Variants in SBDS observed in about 807,000 individuals in gnomAD.
SBDS encodes the protein ribosome maturation protein SBDS.
Under a neutral mutation model 26.4 loss-of-function variants are expected in SBDS, and 20 were observed. The ratio of observed to expected loss-of-function variants is 0.76; its 90% CI spans 0.53 to 1.10. The LOEUF is 1.10. Among genes scored for constraint, SBDS ranks in the 50% least tolerant of loss-of-function variants. SBDS has a pLI of 0.00. For synonymous variants in SBDS, 95 were observed against 105.1 expected, an observed-to-expected ratio of 0.90 and a Z score of 0.59; for missense variants, 241 against 302.0, an observed-to-expected ratio of 0.80 and a Z score of 1.50.
chr7:66,991,342 T>A (rs1792970576), intron 3 of SBDS, 41 bp from the exon 4 acceptor site: 2 of 1,505,092 alleles, frequency 1.3e-6, no homozygotes, highest in East Asian at 4.5e-5. Context: ...TTCTACTATA[T>A]TATTTCATAA....
chr7:66,988,334 C>T lies in SBDS; in HGVS notation c.*37G>A. ...GAAACAGTGCCGTCGGAAACGGAAA[C>T]ACTTTAGTGTTTTAGAGGTGAAGAG... On this transcript the variant is annotated 3_prime_UTR_variant, in exon 5 of 5. Transcript: ENST00000246868. 1 of 1,609,272 alleles carries T rather than the reference C, an allele frequency of 6.2e-7. No individual in the cohort carries two copies. Among genetic ancestry groups the T allele is most frequent in the Middle Eastern group, 1.7e-4 (1 of 6,058 alleles).
At chr7:66,989,346 G>T (rs1444354455) in intron 4 of SBDS, among the ~76,000 whole-genome samples, 1 of 151,752 alleles carries the variant, frequency 6.6e-6, no homozygotes, top group Non-Finnish European at 1.5e-5. Context: ...GGGAGTTCGA[G>T]ACCAGCCTGA....
chr7:66,994,507 G>A (rs1482145121), intron 1 of SBDS, 166 bp from the exon 2 acceptor site: 15 of 660,276 alleles, frequency 2.3e-5, no homozygotes, highest in South Asian at 1.1e-4. Flanking sequence ...CCCAACCCCC[G>A]CCCCTAGATG....
At chr7:66,992,370 A>C (rs541543886) in intron 3 of SBDS, among the ~76,000 whole-genome samples, 1 of 152,246 alleles carries the variant, frequency 6.6e-6, no homozygotes, top group East Asian at 1.9e-4. Context: ...TTTTGTGGTG[A>C]TGAAAATGTT....
Position 66,987,859 on chromosome 7 carries a change from T to C in SBDS, c.*512A>G, listed in dbSNP as rs2129231108. ...TCAATGAAAGGTAAGTCCGGCACAATTTTTCTATATCTGTTTCTCAGATAA... is the reference window on the plus strand; with the variant it reads ...TCAATGAAAGGTAAGTCCGGCACAACTTTTCTATATCTGTTTCTCAGATAA... On this transcript the variant is annotated 3_prime_UTR_variant, in exon 5 of 5. Transcript: ENST00000246868. 1 of 199,160 alleles carries C rather than the reference T, an allele frequency of 5.0e-6. No individual in the cohort carries two copies. Among genetic ancestry groups the C allele is most frequent in the African/African-American group, 2.3e-5 (1 of 43,440 alleles). 12.3% of individuals were successfully genotyped at this position (199,160 alleles called of 1,614,324 possible).
At chr7:66,991,668 G>A (rs1792977135) in intron 3 of SBDS, among the ~76,000 whole-genome samples, 1 of 140,016 alleles carries the variant, frequency 7.1e-6, no homozygotes, top group Non-Finnish European at 1.5e-5. Context: ...GTGTGGTAGT[G>A]CACGCCTGTA....
Position 66,993,292 on chromosome 7 carries a change from G to T in SBDS, c.384C>A (p.Tyr128Ter). The T allele has an allele frequency of 6.2e-7, 1 of 1,614,138 alleles. No homozygotes were observed. The highest frequency in any genetic ancestry group is 2.2e-5 in the East Asian group (1 of 44,868). The change falls in exon 3 of 5, where the codon TAC (tyrosine) becomes TAA (stop). Residue 128 changes from tyrosine to a stop codon, truncating the protein, a stop_gained. Coordinates refer to ENST00000246868, the MANE Select transcript of SBDS (RefSeq NM_016038.4). LOFTEE classifies it high-confidence loss of function. ...KCVNPETKRP[Y>*]TVILIERAMK... ...TGGCTCTCTCAATAAGGATCACGGT[G>T]TATGGTCTCTTTGTTTCAGGATTCA...
rs376037363 is a variant in SBDS, at chr7:66,995,572, C to A, written c.-155G>T. 5 of 1,083,610 alleles carry A rather than the reference C, an allele frequency of 4.6e-6. No individual in the cohort carries two copies. The highest frequency in any genetic ancestry group is 1.6e-5 in the African/African-American group (1 of 64,086). 67.1% of individuals were successfully genotyped at this position (1,083,610 alleles called of 1,614,324 possible). A position where few individuals can be genotyped will look rare whatever the true frequency, so the allele number is the denominator to read the frequency against. On this transcript the variant is annotated 5_prime_UTR_variant, in exon 1 of 5. Transcript: ENST00000246868. ...CCGCGACTCACTAGCTTCAGGCAGC[C>A]GTCACAGTGTGTCTGGCAGGCTTAC...
At chr7:66,991,353 G>A (rs1792970753) in intron 3 of SBDS, 52 bp from the exon 4 acceptor site, 1 of 1,445,182 alleles carries the variant, frequency 6.9e-7, no homozygotes, top group Non-Finnish European at 9.6e-7. Context: ...TATTTCATAA[G>A]GTTTTCAAAA....
intron 1 of SBDS, 153 bp downstream of exon 1, chr7:66,995,137 G>C: frequency 1.9e-6 from 2 of 1,074,616 alleles, no homozygotes; most frequent in Non-Finnish European, 1.4e-6. Context: ...GCCAAGCTCG[G>C]ACAGCGACGT....
At chr7:66,990,843 C>T (rs1039901543) in intron 4 of SBDS, among the ~76,000 whole-genome samples, 1 of 151,926 alleles carries the variant, frequency 6.6e-6, no homozygotes. Flanking sequence ...GGTGAAACTC[C>T]GTCTCTACTA....
rs745591984 is a variant in SBDS at position 66,994,288 on chromosome 7, G to C, written c.182C>G (p.Ser61Cys). ...TTCCTTTTTGGCAACCTGACCTTTA[G>C]AAACATTTACAAACACTGAGTGGGT... is the stretch of plus-strand genomic sequence containing the variant. ...LQTHSVFVNV[S>C]KGQVAKKEDL... Residue 61 changes from serine to cysteine, a missense_variant, in exon 2 of 5, where the codon TCT (serine) becomes TGT (cysteine). By Grantham distance (112) the Ser-to-Cys change is moderately radical. Coordinates refer to ENST00000246868, the MANE Select transcript of SBDS (RefSeq NM_016038.4). The C allele has an allele frequency of 6.2e-7, 1 of 1,614,072 alleles. No homozygotes were observed. Among genetic ancestry groups the C allele is most frequent in the South Asian group, 1.1e-5 (1 of 91,082 alleles).
In SBDS at chr7:66,993,436, A is replaced by T. The variant is rs764449646; in HGVS notation, c.259-19T>A. On this transcript the variant is annotated intron_variant, in intron 2 of 4. Coordinates refer to ENST00000246868, the MANE Select transcript of SBDS (RefSeq NM_016038.4). Reference sequence around the variant, plus strand: ...TCAAAATCTAAAAAAATGCCAACACATTTAAGAAATCACTATCTTTCTCTA... The same window carrying T: ...TCAAAATCTAAAAAAATGCCAACACTTTTAAGAAATCACTATCTTTCTCTA... 2.5e-6 allele frequency: 4 copies of T among 1,587,824 alleles called. No individual in the cohort carries two copies. In the South Asian group the frequency reaches 3.3e-5, roughly 13 times the overall value.
At chr7:66,994,019 CAAAA>C (rs66521756) in intron 2 of SBDS, among the ~76,000 whole-genome samples, 189 bp downstream of exon 2, 31 of 81,696 alleles carry the variant, frequency 3.8e-4, no homozygotes, top group Non-Finnish European at 5.8e-4. Context: ...GAGGTTTTGG[CAAAA>C]AAAAAAAAAA....
intron 3 of SBDS, among the ~76,000 whole-genome samples, chr7:66,992,897 C>T (rs951036408): frequency 6.6e-6 from 1 of 151,702 alleles, no homozygotes; most frequent in African/African-American, 2.4e-5. Flanking sequence ...ATCCCAGCTA[C>T]TCAGGAGGCT....
rs1420655013 is a variant in SBDS, at chr7:66,993,078, T to C, written c.459+139A>G. On this transcript the variant is annotated intron_variant, in intron 3 of 4. Transcript: ENST00000246868. ...CAGGCTGTTTCCAGGCCTCAAGCAATCCTCCCATCTTGGCTCCCAAAGTGC... is the reference window on the plus strand; with the variant it reads ...CAGGCTGTTTCCAGGCCTCAAGCAACCCTCCCATCTTGGCTCCCAAAGTGC... 5.1e-5 allele frequency: 41 copies of C among 805,054 alleles called. No homozygotes were observed. The Admixed American group carries it at 6.9e-4, about 13-fold the overall frequency. 49.9% of individuals were successfully genotyped at this position (805,054 alleles called of 1,614,324 possible).
intron 1 of SBDS, among the ~76,000 whole-genome samples, chr7:66,994,983 G>A (rs1793066912): frequency 6.6e-6 from 1 of 152,184 alleles, no homozygotes; most frequent in African/African-American, 2.4e-5. Context: ...CGTAAGACTA[G>A]GTTCTCAGCC....
intron 4 of SBDS, among the ~76,000 whole-genome samples, chr7:66,988,752 A>C (rs1260817351): frequency 6.6e-6 from 1 of 152,190 alleles, no homozygotes. Context: ...CTGATTCTTC[A>C]GCTGTAAATG....
At position 66,995,447 on chromosome 7, in the gene SBDS, G is replaced by A. The variant is rs187584171; in HGVS notation, c.-30C>T. The A allele has an allele frequency of 6.2e-6, 10 of 1,612,634 alleles. No individual in the cohort carries two copies. Among genetic ancestry groups the A allele is most frequent in the South Asian group, 5.5e-5 (5 of 91,020 alleles). ...GCTGTTCAAAGACCCAGAAGCCGGCGAACCAGGGCTGACCCGCGCCGTCCA... is the reference window on the plus strand; with the variant it reads ...GCTGTTCAAAGACCCAGAAGCCGGCAAACCAGGGCTGACCCGCGCCGTCCA... On this transcript the variant is annotated 5_prime_UTR_variant, in exon 1 of 5. Coordinates refer to ENST00000246868, the MANE Select transcript of SBDS (RefSeq NM_016038.4).
Sources: gnomAD v4.1 joint callset for allele counts (sites outside exome capture counted in the v4.1 genomes callset) on GRCh38, gnomAD v4.1.1 for gene constraint, MANE v1.5 for transcripts, NCBI Gene and HGNC (gene_info 2026-07-23, HGNC 2026-07-21) for gene names.